Variants in GPC6 observed in about 807,000 individuals in gnomAD.
GPC6 encodes glypican-6.
A neutral mutation model predicts 55.2 loss-of-function variants in GPC6; 14 were observed. That is an observed-to-expected ratio of 0.25 (90% CI 0.17 to 0.40). The LOEUF is 0.40. GPC6 is among the 10% of genes least tolerant of loss of function. The pLI, the probability that GPC6 is intolerant of heterozygous loss-of-function variation, is 1.00. For synonymous variants in GPC6, 278 were observed against 259.6 expected, an observed-to-expected ratio of 1.07 and a Z score of -0.68; for missense variants, 641 against 708.5, an observed-to-expected ratio of 0.90 and a Z score of 1.08.
At chr13:93,698,734 T>C (rs1394592794) in intron 2 of GPC6, among the ~76,000 whole-genome samples, 1 of 151,970 alleles carries the variant, frequency 6.6e-6, no homozygotes, top group Admixed American at 6.6e-5. Context: ...TTACCGATGG[T>C]TCTTGAAAAT....
intron 2 of GPC6, among the ~76,000 whole-genome samples, chr13:93,585,715 T>C (rs1877165574): frequency 6.6e-6 from 1 of 152,188 alleles, no homozygotes; most frequent in African/African-American, 2.4e-5. Context: ...ATTTTTTTAT[T>C]TCTCTAAATT....
chr13:94,221,734 A>C (rs1274870134), intron 4 of GPC6, among the ~76,000 whole-genome samples: 4 of 152,096 alleles, frequency 2.6e-5, no homozygotes, highest in Non-Finnish European at 5.9e-5. Flanking sequence ...TTCTGGAAAA[A>C]AAATTAGAGT....
chr13:93,400,596 A>G (rs1251155590), intron 1 of GPC6, among the ~76,000 whole-genome samples: 1 of 152,152 alleles, frequency 6.6e-6, no homozygotes, highest in Non-Finnish European at 1.5e-5. Context: ...TAACTAAAAG[A>G]GTATAATTGG....
chr13:93,751,156 G>A (rs1884567691), intron 2 of GPC6, among the ~76,000 whole-genome samples: 2 of 82,624 alleles, frequency 2.4e-5, no homozygotes, highest in South Asian at 1.2e-3. Flanking sequence ...CCCAAAAAAA[G>A]AAAAACAAAC....
chr13:93,386,310 CT>C (rs1415634410), intron 1 of GPC6, among the ~76,000 whole-genome samples: 1 of 152,138 alleles, frequency 6.6e-6, no homozygotes, highest in Non-Finnish European at 1.5e-5. Context: ...CCCCTTCAAG[CT>C]TTTTAAAATA....
chr13:93,483,079 A>G (rs1013349017), intron 1 of GPC6, among the ~76,000 whole-genome samples: 1 of 152,136 alleles, frequency 6.6e-6, no homozygotes, highest in Admixed American at 6.5e-5. Flanking sequence ...TCTGACTTTG[A>G]TCACTTCGTA....
At position 93,965,876 on chromosome 13, in the gene GPC6, G is replaced by A. The variant is rs183441825; in HGVS notation, c.712-61853G>A. The stretch of plus-strand genomic sequence containing the variant: ...AGGGATGACTGTTTGCAGCCACTAC[G>A]TTTTGTGACAATATTTTAGGCAGGA... On this transcript the variant is annotated intron_variant, in intron 3 of 8. Coordinates refer to ENST00000377047, the MANE Select transcript of GPC6 (RefSeq NM_005708.5). Among the ~76,000 whole-genome samples, 61 of 152,262 alleles carry A rather than the reference G, an allele frequency of 4.0e-4. 1 individual carries two copies. Among genetic ancestry groups the A allele is most frequent in the African/African-American group, 1.4e-3 (57 of 41,546 alleles).
At chr13:93,579,923 T>A (rs1223008717) in intron 2 of GPC6, among the ~76,000 whole-genome samples, 3 of 152,174 alleles carry the variant, frequency 2.0e-5, no homozygotes, top group African/African-American at 7.2e-5. Flanking sequence ...TGCCCAAAAA[T>A]ACACTTTTCA....
intron 2 of GPC6, among the ~76,000 whole-genome samples, chr13:93,701,712 A>T (rs1423074433): frequency 6.6e-6 from 1 of 152,026 alleles, no homozygotes; most frequent in Non-Finnish European, 1.5e-5. Flanking sequence ...CTCCATTGTC[A>T]TCTCAACAGT....
At chr13:93,501,084 A>C (rs1880504355) in intron 1 of GPC6, among the ~76,000 whole-genome samples, 1 of 152,116 alleles carries the variant, frequency 6.6e-6, no homozygotes, top group South Asian at 2.1e-4. Flanking sequence ...TTCCACCTGC[A>C]GTCAGTCAAT....
At position 94,152,458 on chromosome 13, in the gene GPC6, CTT is replaced by C. The variant is rs202117360; in HGVS notation, c.877+124565_877+124566del. Among the ~76,000 whole-genome samples, 660 of 152,166 alleles carry C rather than the reference CTT, an allele frequency of 4.3e-3. 5 individuals carry two copies. Among genetic ancestry groups the C allele is most frequent in the African/African-American group, 0.016 (644 of 41,522 alleles). Reference sequence around the variant, plus strand: ...TTCATCAAACAAATAGTTCTGAAAACTTAGTACATGTCAGGTATTAGAACTGT... The same window carrying C: ...TTCATCAAACAAATAGTTCTGAAAACAGTACATGTCAGGTATTAGAACTGT... On this transcript the variant is annotated intron_variant, in intron 4 of 8. Coordinates refer to ENST00000377047, the MANE Select transcript of GPC6 (RefSeq NM_005708.5).
At chr13:94,022,175 G>T (rs984528919) in intron 3 of GPC6, among the ~76,000 whole-genome samples, 1 of 151,888 alleles carries the variant, frequency 6.6e-6, no homozygotes, top group South Asian at 2.1e-4. Flanking sequence ...TTGTACATTA[G>T]ATCTTTCAAA....
intron 3 of GPC6, among the ~76,000 whole-genome samples, chr13:93,989,271 C>T (rs185843610): frequency 6.6e-6 from 1 of 152,216 alleles, no homozygotes; most frequent in East Asian, 1.9e-4. Flanking sequence ...GTCAGAATGA[C>T]CCATAGGATT....
At chr13:93,722,202 T>G (rs1883478100) in intron 2 of GPC6, among the ~76,000 whole-genome samples, 1 of 151,786 alleles carries the variant, frequency 6.6e-6, no homozygotes, top group South Asian at 2.1e-4. Flanking sequence ...TTTTAACCTT[T>G]CATTAATCAT....
chr13:94,162,920 T>A (rs1042413816), intron 4 of GPC6, among the ~76,000 whole-genome samples: 1 of 152,186 alleles, frequency 6.6e-6, no homozygotes, highest in Non-Finnish European at 1.5e-5. Flanking sequence ...GGGTTACATG[T>A]TGGGGTACAG....
chr13:93,455,841 C>A (rs528906332), intron 1 of GPC6, among the ~76,000 whole-genome samples: 9 of 152,228 alleles, frequency 5.9e-5, no homozygotes, highest in African/African-American at 1.7e-4. Context: ...AAAGACACAA[C>A]CCTCTCAAAT....
chr13:93,799,352 A>G (rs776761958), intron 2 of GPC6, among the ~76,000 whole-genome samples: 5 of 152,168 alleles, frequency 3.3e-5, no homozygotes, highest in African/African-American at 4.8e-5. Context: ...AATTTAATAC[A>G]TGCACTGTTT....
intron 3 of GPC6, among the ~76,000 whole-genome samples, chr13:93,842,785 T>C (rs1403194229): frequency 6.6e-6 from 1 of 152,166 alleles, no homozygotes; most frequent in Non-Finnish European, 1.5e-5. Context: ...CACCAGGATA[T>C]TTATTTTTTG....
chr13:94,248,450 G>A (rs1891259144), intron 4 of GPC6, among the ~76,000 whole-genome samples: 4 of 152,008 alleles, frequency 2.6e-5, no homozygotes, highest in African/African-American at 9.7e-5. Flanking sequence ...TATTTCACTA[G>A]CCTTCTTTTT....
Sources: gnomAD v4.1 joint callset for allele counts (sites outside exome capture counted in the v4.1 genomes callset) on GRCh38, gnomAD v4.1.1 for gene constraint, MANE v1.5 for transcripts, NCBI Gene and HGNC (gene_info 2026-07-23, HGNC 2026-07-21) for gene names.